The following NUP50 variants were observed in gnomAD, a reference collection of about 807,000 sequenced individuals.
The protein encoded by NUP50 is nucleoporin 50.
A neutral mutation model predicts 36.8 loss-of-function variants in NUP50; 14 were observed. The ratio of observed to expected loss-of-function variants is 0.38; its 90% CI spans 0.25 to 0.59. The LOEUF (loss-of-function observed/expected upper bound fraction) is 0.59, where lower values mean the gene tolerates loss of function less well. NUP50 is among the 20% of genes least tolerant of loss of function. The probability of loss-of-function intolerance (pLI) is 0.63; values close to 1 mark genes in which losing one functional copy is unlikely to be tolerated. For synonymous variants in NUP50, 195 were observed against 210.8 expected (o/e 0.93, Z 0.65); for missense variants, 455 against 564.6 (o/e 0.81, Z 1.97).
At chr22:45,165,481 A>G (rs986379871) in intron 1 of NUP50, among the ~76,000 whole-genome samples, 1 of 152,238 alleles carries the variant, frequency 6.6e-6, no homozygotes, top group African/African-American at 2.4e-5. Context: ...CCTGGCTTCA[A>G]GAGATCCTTC....
intron 5 of NUP50, 81 bp downstream of exon 5, chr22:45,178,981 T>C: frequency 7.4e-7 from 1 of 1,345,564 alleles, no homozygotes; most frequent in Non-Finnish European, 1.0e-6. Flanking sequence ...TGATTCCAAA[T>C]ATGAGTCTGG....
At position 45,186,603 on chromosome 22, in the gene NUP50, C is replaced by G. The variant is rs1229593613; in HGVS notation, c.*1948C>G. 6.6e-6 allele frequency: 1 copy of G among 152,576 alleles called. No homozygotes were observed. The highest frequency in any genetic ancestry group is 1.5e-5 in the Non-Finnish European group (1 of 68,014). 9.5% of individuals were successfully genotyped at this position (152,576 alleles called of 1,614,324 possible). A position where few individuals can be genotyped will look rare whatever the true frequency, so the allele number is the denominator to read the frequency against. On this transcript the variant is annotated 3_prime_UTR_variant, in exon 8 of 8. Coordinates refer to ENST00000347635, the MANE Select transcript of NUP50 (RefSeq NM_007172.4). ...TTGACAAAAAATGGCATGAAAAGAT[C>G]ATGATTGGATTTTCTTTTAAACCTG...
chr22:45,187,220 CTAGTAA>C lies in NUP50; in HGVS notation c.*2566_*2571del, dbSNP rs2083458034. The C allele has an allele frequency of 6.9e-6, 1 of 144,162 alleles. No individual in the cohort carries two copies. The highest frequency in any genetic ancestry group is 2.2e-4 in the South Asian group (1 of 4,600). The allele number at this position is 144,162 out of a possible 1,614,324, so 8.9% of individuals were successfully genotyped here. On this transcript the variant is annotated 3_prime_UTR_variant, in exon 8 of 8. Coordinates refer to ENST00000347635, the MANE Select transcript of NUP50 (RefSeq NM_007172.4). Reference sequence around the variant, plus strand: ...ATCCATCTCATCCTTTTGCGCATTCCTAGTAAGCAAAAAAATTTGTTATGCCATCTT... The same window carrying C: ...ATCCATCTCATCCTTTTGCGCATTCCGCAAAAAAATTTGTTATGCCATCTT...
intron 2 of NUP50, among the ~76,000 whole-genome samples, chr22:45,168,761 A>G (rs1348761562): frequency 6.6e-6 from 1 of 152,178 alleles, no homozygotes; most frequent in Non-Finnish European, 1.5e-5. Context: ...AATTGCATTT[A>G]TAGGAATAGA....
chr22:45,166,864 T>G (rs1405491874), intron 1 of NUP50, among the ~76,000 whole-genome samples: 1 of 152,166 alleles, frequency 6.6e-6, no homozygotes, highest in Non-Finnish European at 1.5e-5. Flanking sequence ...CTTTATATTT[T>G]AGAATCTTGG....
chr22:45,165,528 T>C (rs1360331744), intron 1 of NUP50, among the ~76,000 whole-genome samples: 1 of 152,236 alleles, frequency 6.6e-6, no homozygotes, highest in Non-Finnish European at 1.5e-5. Context: ...TAGCTAGACA[T>C]AAGACTCCAG....
Position 45,183,501 on chromosome 22 carries a change from G to A in NUP50, c.1185G>A (p.Val395=). The change falls in exon 7 of 8, where the codon GTG becomes GTA. Residue 395 remains valine, a synonymous_variant. Coordinates refer to ENST00000347635, the MANE Select transcript of NUP50 (RefSeq NM_007172.4). ...PTANQKTQLL[V]RADTNLGNIL... Reference sequence around the variant, plus strand: ...CAAATCAGAAGACACAGCTTTTGGTGCGGGCAGACACCAATTTAGGTGGGT... The same window carrying A: ...CAAATCAGAAGACACAGCTTTTGGTACGGGCAGACACCAATTTAGGTGGGT... The A allele has an allele frequency of 6.2e-7, 1 of 1,607,704 alleles. No homozygotes were observed. The highest frequency in any genetic ancestry group is 2.2e-5 in the East Asian group (1 of 44,858).
At chr22:45,181,135 T>TGCCCC in intron 5 of NUP50, 151 bp from the exon 6 acceptor site, 1 of 108,314 alleles carries the variant, frequency 9.2e-6, no homozygotes, top group Non-Finnish European at 1.8e-5. Flanking sequence ...CCTTCTGGCA[T>TGCCCC]CCCCCCCCCC....
At chr22:45,180,552 T>C (rs1166437762) in intron 5 of NUP50, among the ~76,000 whole-genome samples, 1 of 152,146 alleles carries the variant, frequency 6.6e-6, no homozygotes, top group Non-Finnish European at 1.5e-5. Flanking sequence ...TTTTTTATTT[T>C]TTGTAGAGAT....
chr22:45,182,693 C>T lies in NUP50; in HGVS notation c.1086-709C>T, dbSNP rs185191045. On this transcript the variant is annotated intron_variant, in intron 6 of 7. Transcript: ENST00000347635. Reference sequence around the variant, plus strand: ...AGGCTGGAGTGCAGTGGCACAATCTCGGCTCACTGCAAGCTCCGCCTCCCA... The same window carrying T: ...AGGCTGGAGTGCAGTGGCACAATCTTGGCTCACTGCAAGCTCCGCCTCCCA... Among the ~76,000 whole-genome samples, 454 of 128,262 alleles carry T rather than the reference C, an allele frequency of 3.5e-3. 4 individuals are homozygous for T. The highest frequency in any genetic ancestry group is 0.013 in the African/African-American group (431 of 34,408). 84.1% of individuals were successfully genotyped at this position (128,262 alleles called of 152,430 possible).
At chr22:45,171,920 G>A (rs2074201181) in intron 3 of NUP50, 2 of 446,986 alleles carry the variant, frequency 4.5e-6, no homozygotes, top group Admixed American at 6.9e-5. Flanking sequence ...TGACAATCTG[G>A]AGAAGAAAAA....
At chr22:45,179,033 C>A in intron 5 of NUP50, 133 bp downstream of exon 5, 1 of 771,936 alleles carries the variant, frequency 1.3e-6, no homozygotes, top group Non-Finnish European at 2.0e-6. Flanking sequence ...TGATCTCAGA[C>A]AGAGCTAATC....
Position 45,168,171 on chromosome 22 carries a change from C to A in NUP50, c.-7C>A, listed in dbSNP as rs781225721. ...TCTTCTGTTTTCTATAACTTAGGTT[C>A]GAAAACATGGCCAAAAGAAATGCCG... On this transcript the variant is annotated 5_prime_UTR_variant, in exon 2 of 8. Coordinates refer to ENST00000347635, the MANE Select transcript of NUP50 (RefSeq NM_007172.4). The A allele has an allele frequency of 2.5e-5, 40 of 1,604,796 alleles. No individual in the cohort carries two copies. The highest frequency in any genetic ancestry group is 3.1e-5 in the Non-Finnish European group (36 of 1,176,360).
intron 4 of NUP50, among the ~76,000 whole-genome samples, chr22:45,177,233 T>G (rs1007214787): frequency 1.8e-4 from 27 of 151,810 alleles, no homozygotes; most frequent in Admixed American, 7.2e-4. Context: ...TAGGCTGGAG[T>G]GTATTGGTGT....
At chr22:45,174,313 G>C (rs1423899667) in intron 3 of NUP50, among the ~76,000 whole-genome samples, 1 of 152,016 alleles carries the variant, frequency 6.6e-6, no homozygotes, top group Non-Finnish European at 1.5e-5. Context: ...GAGTAGCTGG[G>C]ACTACAGGCA....
intron 5 of NUP50, among the ~76,000 whole-genome samples, chr22:45,180,886 C>T (rs951426383): frequency 3.3e-5 from 5 of 151,022 alleles, no homozygotes; most frequent in African/African-American, 1.2e-4. Context: ...ATTACTGATA[C>T]TTGTAGATGT....
intron 3 of NUP50, 150 bp downstream of exon 3, chr22:45,171,833 G>C: frequency 9.6e-6 from 6 of 624,248 alleles, no homozygotes. Flanking sequence ...AAAAAAATAA[G>C]AAACGTCAGG....
At position 45,186,212 on chromosome 22, in the gene NUP50, TAG is replaced by T. The variant is rs930946241; in HGVS notation, c.*1564_*1565del. The stretch of plus-strand genomic sequence containing the variant: ...GTGTGTGGCTTTGGATGAATCCGTG[TAG>T]AGAGAGGTGAGCTTGTCCTGTTACA... On this transcript the variant is annotated 3_prime_UTR_variant, in exon 8 of 8. Transcript: ENST00000347635. 3.9e-5 allele frequency: 6 copies of T among 152,316 alleles called. No homozygotes were observed. The highest frequency in any genetic ancestry group is 1.9e-4 in the East Asian group (1 of 5,184). The allele number at this position is 152,316 out of a possible 1,614,324, so 9.4% of individuals were successfully genotyped here. A position where few individuals can be genotyped will look rare whatever the true frequency, so the allele number is the denominator to read the frequency against.
intron 6 of NUP50, 84 bp from the exon 7 acceptor site, chr22:45,183,318 C>A: frequency 1.3e-6 from 1 of 775,756 alleles, no homozygotes; most frequent in Middle Eastern, 3.8e-4. Flanking sequence ...ATTTTCCACA[C>A]AAGTGTGAAG....
Sources: gnomAD v4.1 joint callset for allele counts (sites outside exome capture counted in the v4.1 genomes callset) on GRCh38, gnomAD v4.1.1 for gene constraint, MANE v1.5 for transcripts, NCBI Gene and HGNC (gene_info 2026-07-23, HGNC 2026-07-21) for gene names.